Variants in PPP4R1 observed in about 807,000 individuals in gnomAD.
The protein encoded by PPP4R1 is serine/threonine-protein phosphatase 4 regulatory subunit 1.
PPP4R1 carries 42 observed loss-of-function variants against 111.2 expected under a neutral mutation model. That is an observed-to-expected ratio of 0.38 (90% CI 0.29 to 0.49). The LOEUF is 0.49. Ranked by LOEUF, PPP4R1 falls within the 20% of genes least tolerant of loss-of-function variation. PPP4R1 has a pLI of 0.97. For missense variants in PPP4R1, 1,012 were observed against 1,161.6 expected, an observed-to-expected ratio of 0.87 and a Z score of 1.87; for synonymous variants, 409 against 405.5, an observed-to-expected ratio of 1.01 and a Z score of -0.10.
At chr18:9,590,681 AC>A (rs933791828) in intron 4 of PPP4R1, among the ~76,000 whole-genome samples, 37 of 152,092 alleles carry the variant, frequency 2.4e-4, no homozygotes, top group Middle Eastern at 3.4e-3. Flanking sequence ...TCAACTGGCT[AC>A]TCACATTAAA....
rs1238543627 is a variant in PPP4R1 at position 9,570,433 on chromosome 18, T to C, written c.1297A>G (p.Met433Val). ...GTGGTGCCAACCTCTGGTCGTAACA[T>C]AGATTTGTAGTTACCAGGTTTTTTA... ...NDKKPGNYKS[M>V]LRPEVGTTSQ... The change falls in exon 11 of 20, where the codon ATG becomes GTG. Residue 433 changes from methionine (M) to valine (V), a missense_variant. Transcript: ENST00000400556. 6.8e-6 allele frequency: 11 copies of C among 1,614,172 alleles called. No individual in the cohort carries two copies. Among genetic ancestry groups the C allele is most frequent in the East Asian group, 2.2e-5 (1 of 44,886 alleles).
intron 4 of PPP4R1, among the ~76,000 whole-genome samples, chr18:9,593,217 TAA>T (rs1397779151): frequency 1.3e-5 from 2 of 152,188 alleles, no homozygotes; most frequent in Non-Finnish European, 2.9e-5. Context: ...TTTTATGTGT[TAA>T]GTTTTAAGTA....
chr18:9,590,023 AAAT>A (rs1221453192), intron 4 of PPP4R1: 7 of 152,234 alleles, frequency 4.6e-5, no homozygotes, highest in African/African-American at 1.7e-4. Context: ...CTGTTCAAAT[AAAT>A]AATAAGAAAG....
chr18:9,557,421 G>C (rs763314920), intron 14 of PPP4R1, 39 bp from the exon 15 acceptor site: 2 of 1,527,562 alleles, frequency 1.3e-6, no homozygotes, highest in South Asian at 2.5e-5. Flanking sequence ...TAACCACAAA[G>C]TACGCAGTAC....
At chr18:9,581,736 C>T (rs1211544001) in intron 9 of PPP4R1, among the ~76,000 whole-genome samples, 1 of 152,034 alleles carries the variant, frequency 6.6e-6, no homozygotes, top group East Asian at 1.9e-4. Flanking sequence ...AACTCAACTC[C>T]AAGTAGTATA....
intron 6 of PPP4R1, among the ~76,000 whole-genome samples, chr18:9,585,875 C>A (rs1466253898): frequency 6.6e-6 from 1 of 152,022 alleles, no homozygotes; most frequent in African/African-American, 2.4e-5. Flanking sequence ...AAATCAAAGA[C>A]CTAAATAAAT....
At position 9,595,039 on chromosome 18, in the gene PPP4R1, G is replaced by A; in HGVS notation, c.167C>T (p.Ala56Val). The change falls in exon 3 of 20, where the codon GCA becomes GTA. Residue 56 changes from alanine (A) to valine (V), a missense_variant. Coordinates refer to ENST00000400556, the MANE Select transcript of PPP4R1 (RefSeq NM_001042388.3). ...TPLGRLDKYA[A>V]SENIFNRQMV... ...ATACCTGTTAAATATGTTCTCACTT[G>A]CAGCATACTTGTCCAATCTCCCCAG... The A allele has an allele frequency of 6.2e-7, 1 of 1,613,866 alleles. No homozygotes were observed.
Position 9,549,283 on chromosome 18 carries a change from G to A in PPP4R1, c.2603C>T (p.Pro868Leu), listed in dbSNP as rs1384493713. 1.2e-6 allele frequency: 2 copies of A among 1,613,714 alleles called. No homozygotes were observed. The highest frequency in any genetic ancestry group is 8.5e-7 in the Non-Finnish European group (1 of 1,179,664). Residue 868 changes from proline to leucine, a missense_variant, in exon 19 of 20, where the codon CCG (proline) becomes CTG (leucine). Transcript: ENST00000400556. The stretch of plus-strand genomic sequence containing the variant: ...GTCATTTGCTAAGGTTAGCAGATGC[G>A]GCATGAGATGCACAGCAAACTGGTC... ...PMDQFAVHLM[P>L]HLLTLANDRV...
chr18:9,610,304 G>A (rs1225965145), intron 2 of PPP4R1, among the ~76,000 whole-genome samples: 1 of 152,132 alleles, frequency 6.6e-6, no homozygotes, highest in Non-Finnish European at 1.5e-5. Context: ...AATATAAAAA[G>A]TTAAAAAGGG....
intron 6 of PPP4R1, 106 bp from the exon 7 acceptor site, chr18:9,584,934 G>T: frequency 1.1e-6 from 1 of 898,832 alleles, no homozygotes; most frequent in Non-Finnish European, 1.7e-6. Flanking sequence ...AATATGATAT[G>T]GCATCATTAT....
intron 15 of PPP4R1, among the ~76,000 whole-genome samples, chr18:9,555,655 T>A (rs1278063749): frequency 6.6e-6 from 1 of 152,138 alleles, no homozygotes; most frequent in East Asian, 1.9e-4. Context: ...CCCCGCTTAC[T>A]CAGAATCAAA....
intron 2 of PPP4R1, among the ~76,000 whole-genome samples, chr18:9,602,514 C>A (rs1300021829): frequency 6.0e-5 from 9 of 150,780 alleles, no homozygotes; most frequent in African/African-American, 1.7e-4. Context: ...CCACTGCACT[C>A]CAGCCTGGGC....
intron 4 of PPP4R1, among the ~76,000 whole-genome samples, chr18:9,589,462 G>A (rs1003047109): frequency 6.6e-6 from 1 of 152,180 alleles, no homozygotes; most frequent in African/African-American, 2.4e-5. Context: ...AGAAGCAACA[G>A]TAGGAAAATC....
intron 6 of PPP4R1, among the ~76,000 whole-genome samples, chr18:9,587,017 T>A (rs1051848337): frequency 1.3e-5 from 2 of 152,182 alleles, no homozygotes; most frequent in Non-Finnish European, 2.9e-5. Context: ...ATCACTGATG[T>A]CATATATCCT....
At chr18:9,550,233 A>G in intron 17 of PPP4R1, 45 bp downstream of exon 17, 2 of 1,614,052 alleles carry the variant, frequency 1.2e-6, no homozygotes, top group Non-Finnish European at 1.7e-6. Flanking sequence ...CCATTCTAGG[A>G]TCTTAGAGTT....
intron 11 of PPP4R1, 61 bp downstream of exon 11, chr18:9,570,096 T>A (rs879241817): frequency 1.1e-5 from 16 of 1,462,996 alleles, no homozygotes; most frequent in South Asian, 4.6e-5. Flanking sequence ...GAAATTTTTT[T>A]AAGATAGACA....
At chr18:9,570,064 A>G (rs1425640929) in intron 11 of PPP4R1, 93 bp downstream of exon 11, 4 of 1,361,580 alleles carry the variant, frequency 2.9e-6, no homozygotes, top group Admixed American at 2.6e-5. Flanking sequence ...ATACATTATT[A>G]AATGACAATT....
intron 15 of PPP4R1, 73 bp downstream of exon 15, chr18:9,557,148 G>A (rs2066600592): frequency 7.3e-7 from 1 of 1,369,644 alleles, no homozygotes; most frequent in Non-Finnish European, 9.9e-7. Flanking sequence ...CTCTCTTGGT[G>A]ATAGCAGAAG....
At chr18:9,597,305 A>G (rs1358692617) in intron 2 of PPP4R1, among the ~76,000 whole-genome samples, 1 of 152,186 alleles carries the variant, frequency 6.6e-6, no homozygotes, top group African/African-American at 2.4e-5. Context: ...GGAGGGTCCA[A>G]ATATAATCCC....
Sources: gnomAD v4.1 joint callset for allele counts (sites outside exome capture counted in the v4.1 genomes callset) on GRCh38, gnomAD v4.1.1 for gene constraint, MANE v1.5 for transcripts, NCBI Gene and HGNC (gene_info 2026-07-23, HGNC 2026-07-21) for gene names.